The following XKR4 variants were observed in gnomAD, a reference collection of about 807,000 sequenced individuals.
The protein encoded by XKR4 is XK-related protein 4.
XKR4 carries 12 observed loss-of-function variants against 53.9 expected under a neutral mutation model. The observed-to-expected ratio is 0.22, with a 90% confidence interval of 0.14 to 0.36. The LOEUF (loss-of-function observed/expected upper bound fraction) is 0.36, where lower values mean the gene tolerates loss of function less well. XKR4 is among the 10% of genes least tolerant of loss of function. The pLI, the probability that XKR4 is intolerant of heterozygous loss-of-function variation, is 1.00. For synonymous variants in XKR4, 354 were observed against 362.4 expected (o/e 0.98, Z 0.26); for missense variants, 799 against 859.5 (o/e 0.93, Z 0.88).
intron 2 of XKR4, among the ~76,000 whole-genome samples, chr8:55,440,041 C>T (rs1467290134): frequency 6.6e-6 from 1 of 152,094 alleles, no homozygotes; most frequent in Non-Finnish European, 1.5e-5. Flanking sequence ...AACAGCTAGG[C>T]TCTCAAGAAC....
chr8:55,283,097 T>C (rs1818862719), intron 1 of XKR4, among the ~76,000 whole-genome samples: 1 of 152,164 alleles, frequency 6.6e-6, no homozygotes, highest in African/African-American at 2.4e-5. Context: ...ATAGCCTAGG[T>C]GTGTAGTAGG....
At chr8:55,324,752 A>G (rs1035967567) in intron 1 of XKR4, among the ~76,000 whole-genome samples, 1 of 152,216 alleles carries the variant, frequency 6.6e-6, no homozygotes, top group African/African-American at 2.4e-5. Context: ...AGACTAGGGG[A>G]CAGGAAATAA....
At chr8:55,345,431 T>A (rs539546221) in intron 1 of XKR4, among the ~76,000 whole-genome samples, 2 of 152,374 alleles carry the variant, frequency 1.3e-5, no homozygotes, top group South Asian at 4.1e-4. Context: ...GTGTAGCCAC[T>A]GAAATATGAT....
intron 2 of XKR4, among the ~76,000 whole-genome samples, chr8:55,432,478 G>A (rs976862643): frequency 1.3e-5 from 2 of 152,290 alleles, no homozygotes; most frequent in East Asian, 1.9e-4. Flanking sequence ...TCCTTGCATC[G>A]CCAGTTTGCC....
intron 1 of XKR4, among the ~76,000 whole-genome samples, chr8:55,116,107 A>G (rs1356326343): frequency 2.0e-5 from 3 of 152,152 alleles, no homozygotes; most frequent in East Asian, 3.9e-4. Context: ...GCTTATTTTT[A>G]TATTTTTCTG....
chr8:55,371,447 C>T (rs898696495), intron 2 of XKR4, among the ~76,000 whole-genome samples: 1 of 152,132 alleles, frequency 6.6e-6, no homozygotes, highest in Non-Finnish European at 1.5e-5. Flanking sequence ...GTACCACAAC[C>T]TATTTTCCTG....
intron 2 of XKR4, among the ~76,000 whole-genome samples, chr8:55,507,339 T>C (rs1248604138): frequency 6.6e-6 from 1 of 151,642 alleles, no homozygotes; most frequent in Non-Finnish European, 1.5e-5. Flanking sequence ...TCTTTTTTTT[T>C]ATTATTACTG....
At chr8:55,286,959 T>C (rs551265844) in intron 1 of XKR4, among the ~76,000 whole-genome samples, 1 of 152,296 alleles carries the variant, frequency 6.6e-6, no homozygotes, top group South Asian at 2.1e-4. Context: ...TTAAGTATAT[T>C]AATTCTAGTT....
rs1289006535 is a variant in XKR4 at position 55,527,587 on chromosome 8, A to T, written c.*3360A>T. On this transcript the variant is annotated 3_prime_UTR_variant, in exon 3 of 3. Coordinates refer to ENST00000327381, the MANE Select transcript of XKR4 (RefSeq NM_052898.2). ...GAAATAATTTTTCCATGTAAGTCAA[A>T]GTTTAGTCTCCCAAAATGACTATGT... 1 of 152,210 alleles carries T rather than the reference A, an allele frequency of 6.6e-6. No individual in the cohort carries two copies. 9.4% of individuals were successfully genotyped at this position (152,210 alleles called of 1,614,324 possible). A position where few individuals can be genotyped will look rare whatever the true frequency, so the allele number is the denominator to read the frequency against.
At chr8:55,107,959 C>CAT (rs1180921257) in intron 1 of XKR4, among the ~76,000 whole-genome samples, 1 of 152,088 alleles carries the variant, frequency 6.6e-6, no homozygotes, top group Non-Finnish European at 1.5e-5. Flanking sequence ...AGATGAATAA[C>CAT]ATATATATAT....
Position 55,141,640 on chromosome 8 carries a change from T to G in XKR4, c.806+38346T>G, listed in dbSNP as rs111675120. On this transcript the variant is annotated intron_variant, in intron 1 of 2. Transcript: ENST00000327381. ...TCTACTTTCTGTCTCTCTTGGTGCTTCTGCTTCTCTCTCTCTCTCTCTCTC... is the reference window on the plus strand; with the variant it reads ...TCTACTTTCTGTCTCTCTTGGTGCTGCTGCTTCTCTCTCTCTCTCTCTCTC... Among the ~76,000 whole-genome samples, 184 of 133,148 alleles carry G rather than the reference T, an allele frequency of 1.4e-3. 1 individual carries two copies. Among genetic ancestry groups the G allele is most frequent in the African/African-American group, 4.8e-3 (175 of 36,146 alleles). The allele number at this position is 133,148 out of a possible 152,430, so 87.4% of individuals were successfully genotyped here.
At chr8:55,291,938 T>A (rs183227338) in intron 1 of XKR4, among the ~76,000 whole-genome samples, 313 of 152,290 alleles carry the variant, frequency 2.1e-3, no homozygotes, top group African/African-American at 7.3e-3. Flanking sequence ...AATAATTTGA[T>A]ATGATCATGT....
intron 1 of XKR4, among the ~76,000 whole-genome samples, chr8:55,144,699 G>A (rs1225419911): frequency 5.3e-5 from 8 of 152,052 alleles, no homozygotes; most frequent in African/African-American, 1.9e-4. Flanking sequence ...TTCTCGAGCT[G>A]CCTGTTTGAG....
intron 1 of XKR4, among the ~76,000 whole-genome samples, chr8:55,298,544 C>G (rs1020849951): frequency 4.6e-5 from 7 of 151,968 alleles, no homozygotes; most frequent in African/African-American, 1.7e-4. Context: ...AGGGGGAGGT[C>G]CTAGATCTCC....
intron 1 of XKR4, among the ~76,000 whole-genome samples, chr8:55,246,859 C>T (rs1803314387): frequency 3.3e-5 from 5 of 152,104 alleles, no homozygotes; most frequent in Non-Finnish European, 1.5e-5. Flanking sequence ...AGAGCTGCCA[C>T]AGGTAAGCTC....
intron 2 of XKR4, among the ~76,000 whole-genome samples, chr8:55,467,998 T>C (rs536017276): frequency 1.3e-5 from 2 of 152,320 alleles, no homozygotes; most frequent in South Asian, 2.1e-4. Flanking sequence ...TCTATTAACA[T>C]TTATGGTTTC....
chr8:55,311,526 C>A (rs1819388142), intron 1 of XKR4, among the ~76,000 whole-genome samples: 1 of 152,044 alleles, frequency 6.6e-6, no homozygotes, highest in Non-Finnish European at 1.5e-5. Context: ...TGAGGGGAAC[C>A]CAGATCATGC....
intron 1 of XKR4, among the ~76,000 whole-genome samples, chr8:55,131,680 C>G (rs1377153154): frequency 6.6e-6 from 1 of 152,144 alleles, no homozygotes; most frequent in Non-Finnish European, 1.5e-5. Context: ...ATCCCAGCAT[C>G]TTCTTGATAT....
At chr8:55,450,821 C>T in intron 2 of XKR4, 1 of 499,414 alleles carries the variant, frequency 2.0e-6, no homozygotes, top group Non-Finnish European at 3.8e-6. Flanking sequence ...GTGGTGATGT[C>T]CCAGCCGTCC....
Sources: gnomAD v4.1 joint callset for allele counts (sites outside exome capture counted in the v4.1 genomes callset) on GRCh38, gnomAD v4.1.1 for gene constraint, MANE v1.5 for transcripts, NCBI Gene and HGNC (gene_info 2026-07-23, HGNC 2026-07-21) for gene names.